The following CACNA2D1 variants were observed in gnomAD, a reference collection of about 807,000 sequenced individuals.
CACNA2D1 encodes the protein voltage-dependent calcium channel subunit alpha-2/delta-1.
CACNA2D1 carries 53 observed loss-of-function variants against 171.5 expected under a neutral mutation model. The observed-to-expected ratio is 0.31, with a 90% CI of 0.25 to 0.39. The LOEUF (loss-of-function observed/expected upper bound fraction) is 0.39. Ranked by LOEUF, CACNA2D1 falls within the 10% of genes least tolerant of loss-of-function variation. CACNA2D1 has a pLI of 1.00. For synonymous variants in CACNA2D1, 442 were observed against 443.1 expected (o/e 1.00, Z 0.03); for missense variants, 903 against 1,299.8 (o/e 0.69, Z 4.69).
chr7:82,335,252 CTG>C lies in CACNA2D1; in HGVS notation c.178-3_178-2del. The C allele has an allele frequency of 6.4e-7, 1 of 1,559,276 alleles. No homozygotes were observed. On this transcript the variant is annotated splice_acceptor_variant and splice_polypyrimidine_tract_variant and intron_variant, in intron 2 of 38. Coordinates refer to ENST00000356860, the MANE Select transcript of CACNA2D1 (RefSeq NM_000722.4). LOFTEE classifies it high-confidence loss of function. The stretch of plus-strand genomic sequence containing the variant: ...ACAAATCTTGATATTTCTCATAAAT[CTG>C]TGTGAAAGAAAAAAAAAACTAGTAA...
At chr7:82,265,076 C>T (rs959768948) in intron 3 of CACNA2D1, among the ~76,000 whole-genome samples, 1 of 152,160 alleles carries the variant, frequency 6.6e-6, no homozygotes, top group Non-Finnish European at 1.5e-5. Context: ...GTTGGAGGAA[C>T]TGCTGCCAAA....
intron 2 of CACNA2D1, among the ~76,000 whole-genome samples, chr7:82,349,089 A>T (rs904847221): frequency 1.3e-5 from 2 of 152,140 alleles, no homozygotes; most frequent in Non-Finnish European, 2.9e-5. Flanking sequence ...GTTATTACTG[A>T]TCTCAGTGAC....
At chr7:81,982,255 A>T (rs1320879013) in intron 24 of CACNA2D1, among the ~76,000 whole-genome samples, 1 of 151,912 alleles carries the variant, frequency 6.6e-6, no homozygotes, top group African/African-American at 2.4e-5. Context: ...TCAGCCTCCC[A>T]AGTAGCTGGG....
At chr7:82,336,141 T>C (rs1817966640) in intron 2 of CACNA2D1, among the ~76,000 whole-genome samples, 2 of 152,200 alleles carry the variant, frequency 1.3e-5, no homozygotes, top group Admixed American at 6.5e-5. Flanking sequence ...AGCCAGGACC[T>C]GGCAGGTTTT....
chr7:82,300,701 G>A (rs1375809353), intron 3 of CACNA2D1, among the ~76,000 whole-genome samples: 1 of 152,072 alleles, frequency 6.6e-6, no homozygotes, highest in Admixed American at 6.5e-5. Flanking sequence ...TTAGAATAGT[G>A]AGGTTACAGC....
Position 82,326,738 on chromosome 7 carries a change from T to G in CACNA2D1, c.294+8397A>C, listed in dbSNP as rs1816694802. 1.4e-5 allele frequency among the ~76,000 whole-genome samples: 2 copies of G among 145,564 alleles called. 1 individual carries two copies. Among genetic ancestry groups the G allele is most frequent in the South Asian group, 4.9e-4 (2 of 4,116 alleles). ...ACCACAACTTCTTGTTTCTCCACTG[T>G]TCCTTACAAACTTACACTTTATCCA... On this transcript the variant is annotated intron_variant, in intron 3 of 38. Transcript: ENST00000356860.
chr7:82,298,047 A>C (rs1812518678), intron 3 of CACNA2D1, among the ~76,000 whole-genome samples: 1 of 151,980 alleles, frequency 6.6e-6, no homozygotes, highest in African/African-American at 2.4e-5. Flanking sequence ...CTAACTAGAA[A>C]ATGTTATTCA....
At chr7:82,191,746 G>A (rs946632732) in intron 3 of CACNA2D1, among the ~76,000 whole-genome samples, 8 of 151,668 alleles carry the variant, frequency 5.3e-5, no homozygotes, top group Non-Finnish European at 1.2e-4. Flanking sequence ...TCAACTGCAA[G>A]TATAAACAGA....
intron 1 of CACNA2D1, among the ~76,000 whole-genome samples, chr7:82,379,407 A>G (rs1046211295): frequency 6.6e-6 from 1 of 152,234 alleles, no homozygotes; most frequent in Non-Finnish European, 1.5e-5. Flanking sequence ...ATTTTTTACC[A>G]TTTAAAATTT....
intron 1 of CACNA2D1, among the ~76,000 whole-genome samples, chr7:82,394,548 T>G (rs995459374): frequency 6.6e-6 from 1 of 152,208 alleles, no homozygotes; most frequent in African/African-American, 2.4e-5. Context: ...AAAGACATTT[T>G]TTGAGAGTTG....
intron 3 of CACNA2D1, among the ~76,000 whole-genome samples, chr7:82,290,579 TA>T (rs113699646): frequency 0.37 from 49,650 of 135,810 alleles, 8,756 homozygotes; most frequent in Non-Finnish European, 0.41. Flanking sequence ...GGTCGTATAT[TA>T]AAAAAAAAAA....
chr7:82,010,079 C>A (rs1363721393), intron 15 of CACNA2D1, among the ~76,000 whole-genome samples: 1 of 152,052 alleles, frequency 6.6e-6, no homozygotes, highest in Non-Finnish European at 1.5e-5. Context: ...AAATCTTACA[C>A]TAATATCAGC....
chr7:82,129,081 A>G (rs258694), intron 5 of CACNA2D1, among the ~76,000 whole-genome samples: 42,442 of 152,036 alleles, frequency 0.28, 6,081 homozygotes, highest in East Asian at 0.43. Flanking sequence ...ACACTTGCTC[A>G]GGAAATTTCA....
At chr7:82,056,208 T>C (rs1805890365) in intron 10 of CACNA2D1, among the ~76,000 whole-genome samples, 1 of 151,936 alleles carries the variant, frequency 6.6e-6, no homozygotes, top group African/African-American at 2.4e-5. Flanking sequence ...TGGCCATCAA[T>C]ATGTTGTGGA....
chr7:82,091,092 A>T (rs1345546998), intron 6 of CACNA2D1, among the ~76,000 whole-genome samples: 1 of 152,190 alleles, frequency 6.6e-6, no homozygotes, highest in African/African-American at 2.4e-5. Flanking sequence ...GAAAAAAAGA[A>T]TCCACTTTAA....
At chr7:82,349,516 G>A in intron 2 of CACNA2D1, 52 bp downstream of exon 2, 2 of 1,329,880 alleles carry the variant, frequency 1.5e-6, no homozygotes, top group Non-Finnish European at 2.2e-6. Context: ...AGATAGAACT[G>A]CATTCGAATT....
rs78666933 is a variant in CACNA2D1, at chr7:82,055,294, C to A, written c.879+5134G>T. ...CTTAGTTAGAGGGCAGTAGCTTCTGCGTTCCTAGAGACCATAAAAGATGAT... is the reference window on the plus strand; with the variant it reads ...CTTAGTTAGAGGGCAGTAGCTTCTGAGTTCCTAGAGACCATAAAAGATGAT... On this transcript the variant is annotated intron_variant, in intron 10 of 38. Coordinates refer to ENST00000356860, the MANE Select transcript of CACNA2D1 (RefSeq NM_000722.4). Among the ~76,000 whole-genome samples, 174 of 152,148 alleles carry A rather than the reference C, an allele frequency of 1.1e-3. 3 individuals are homozygous for A. The East Asian group carries it at 0.031, about 27-fold the overall frequency.
chr7:81,971,698 G>A, intron 26 of CACNA2D1, 79 bp downstream of exon 26: 1 of 811,224 alleles, frequency 1.2e-6, no homozygotes, highest in Non-Finnish European at 2.2e-6. Context: ...AAATTTATGA[G>A]ATTCATACCC....
intron 10 of CACNA2D1, among the ~76,000 whole-genome samples, chr7:82,056,689 C>G (rs1584568135): frequency 6.6e-6 from 1 of 152,226 alleles, no homozygotes; most frequent in East Asian, 1.9e-4. Flanking sequence ...CAACCAGCAA[C>G]TCGATGTAAA....
Sources: allele counts gnomAD v4.1 joint callset (sites outside exome capture counted in the v4.1 genomes callset), GRCh38; gene constraint gnomAD v4.1.1; transcripts MANE v1.5; gene names NCBI Gene and HGNC (gene_info 2026-07-23, HGNC 2026-07-21).